Variants in CCDC7 observed in about 807,000 individuals in gnomAD.
CCDC7 encodes coiled-coil domain containing 7, also known as coiled-coil domain-containing protein 7.
CCDC7 carries 183 observed loss-of-function variants against 196.9 expected under a neutral mutation model. The ratio of observed to expected loss-of-function variants is 0.93; its 90% confidence interval spans 0.82 to 1.05. The LOEUF is 1.05. Among genes scored for constraint, CCDC7 ranks in the 50% least tolerant of loss-of-function variants. The pLI, the probability that CCDC7 is intolerant of heterozygous loss-of-function variation, is 0.00. For synonymous variants in CCDC7, 525 were observed against 484.6 expected, an observed-to-expected ratio of 1.08 and a Z score of -1.10; for missense variants, 1,540 against 1,482.2, an observed-to-expected ratio of 1.04 and a Z score of -0.64.
At chr10:32,509,516 CA>C (rs35897485) in intron 9 of CCDC7, among the ~76,000 whole-genome samples, 66,731 of 139,368 alleles carry the variant, frequency 0.48, 16,778 homozygotes, top group African/African-American at 0.69. Flanking sequence ...GACATTACAC[CA>C]AAAAAAAAAA....
intron 18 of CCDC7, among the ~76,000 whole-genome samples, chr10:32,631,865 T>C (rs946356721): frequency 1.3e-5 from 2 of 152,096 alleles, no homozygotes; most frequent in Non-Finnish European, 2.9e-5. Context: ...TATACTTATT[T>C]TTTTAAAAGT....
At chr10:32,486,093 G>T (rs1324368880) in intron 8 of CCDC7, among the ~76,000 whole-genome samples, 7 of 152,126 alleles carry the variant, frequency 4.6e-5, no homozygotes, top group African/African-American at 1.7e-4. Flanking sequence ...TGTTGACAGT[G>T]GGTTGTTAAA....
At chr10:32,819,952 G>C (rs1427915018) in intron 31 of CCDC7, among the ~76,000 whole-genome samples, 1 of 152,206 alleles carries the variant, frequency 6.6e-6, no homozygotes, top group Non-Finnish European at 1.5e-5. Context: ...CATAGTGTTG[G>C]AAGTTCTGAC....
intron 13 of CCDC7, among the ~76,000 whole-genome samples, chr10:32,563,799 T>C (rs961629876): frequency 2.6e-4 from 40 of 151,964 alleles, no homozygotes; most frequent in Non-Finnish European, 4.3e-4. Flanking sequence ...AATTGACAAA[T>C]GGGATCTAAT....
At chr10:32,524,852 A>C (rs1418540846) in intron 11 of CCDC7, among the ~76,000 whole-genome samples, 1 of 151,788 alleles carries the variant, frequency 6.6e-6, no homozygotes, top group Non-Finnish European at 1.5e-5. Context: ...ACGTACCTTG[A>C]GGTAGTCTTC....
intron 39 of CCDC7, 38 bp from the exon 41 acceptor site, chr10:32,851,769 T>C (rs182448553): frequency 9.3e-5 from 146 of 1,564,202 alleles, no homozygotes; most frequent in Admixed American, 1.4e-4. Context: ...ACAAATGTCA[T>C]CTATTGTATG....
At position 32,780,341 on chromosome 10, in the gene CCDC7, G is replaced by A. The variant is rs573165439; in HGVS notation, c.3013+1257G>A. 3.9e-5 allele frequency among the ~76,000 whole-genome samples: 6 copies of A among 152,224 alleles called. No homozygotes were observed. In the East Asian group the frequency reaches 9.6e-4, roughly 24 times the overall value. On this transcript the variant is annotated intron_variant, in intron 29 of 41. Transcript: ENST00000639629. ...ATCTCTGGCAAAGATAAGTCCATGG[G>A]CAAATATAAAAGCCATTATTATTAT...
chr10:32,879,963 T>G (rs559056665), downstream of CCDC7, among the ~76,000 whole-genome samples: 28 of 152,288 alleles, frequency 1.8e-4, no homozygotes, highest in Admixed American at 5.2e-4. Flanking sequence ...GATGGGCATT[T>G]GGGTTGATTC....
rs1447749803 is a variant in CCDC7 at position 32,565,437 on chromosome 10, C to A, written c.1135-121C>A. 3.1e-6 allele frequency: 3 copies of A among 982,906 alleles called. No homozygotes were observed. In the East Asian group the frequency reaches 8.0e-5, roughly 26 times the overall value. 60.9% of individuals were successfully genotyped at this position (982,906 alleles called of 1,614,324 possible). A position where few individuals can be genotyped will look rare whatever the true frequency, so the allele number is the denominator to read the frequency against. On this transcript the variant is annotated intron_variant, in intron 13 of 41. Transcript: ENST00000639629. ...CATTACACTTGAGAGATGTGCAGTT[C>A]AATGTCTATGCTCAATTCTTATCTT...
At chr10:32,564,387 A>T (rs896839407) in intron 13 of CCDC7, among the ~76,000 whole-genome samples, 1 of 152,188 alleles carries the variant, frequency 6.6e-6, no homozygotes. Flanking sequence ...AATAGCAGAG[A>T]CTTGGAACCA....
intron 8 of CCDC7, among the ~76,000 whole-genome samples, chr10:32,485,435 C>G (rs1007187430): frequency 6.6e-6 from 1 of 152,036 alleles, no homozygotes; most frequent in African/African-American, 2.4e-5. Flanking sequence ...TTGATCTTTT[C>G]AAAAAATCAG....
At chr10:32,674,557 G>A (rs1762532) in intron 21 of CCDC7, among the ~76,000 whole-genome samples, 52,062 of 151,802 alleles carry the variant, frequency 0.34, 11,369 homozygotes, top group Non-Finnish European at 0.49. Flanking sequence ...TGTGTATTCC[G>A]CTGCTTTTGG....
At chr10:32,596,229 G>A (rs1351353271) in intron 18 of CCDC7, among the ~76,000 whole-genome samples, 3 of 152,162 alleles carry the variant, frequency 2.0e-5, no homozygotes, top group Non-Finnish European at 4.4e-5. Flanking sequence ...TGTATTGGGT[G>A]CATATATATT....
In CCDC7 at chr10:32,518,770, G is replaced by A. The variant is rs116269536; in HGVS notation, c.993+265G>A. Among the ~76,000 whole-genome samples, 1,280 of 151,880 alleles carry A rather than the reference G, an allele frequency of 8.4e-3. 28 individuals are homozygous for A. Among genetic ancestry groups the A allele is most frequent in the African/African-American group, 0.028 (1,178 of 41,436 alleles). On this transcript the variant is annotated intron_variant, in intron 11 of 41. Coordinates refer to ENST00000639629, the Ensembl canonical transcript of CCDC7. ...AAATATTTAACTTTATTAAACTAAC[G>A]GTAAATTAGTTTTCAAATATATTGT...
chr10:32,671,502 CA>C (rs1417516755), intron 21 of CCDC7, among the ~76,000 whole-genome samples: 11 of 152,120 alleles, frequency 7.2e-5, no homozygotes, highest in Non-Finnish European at 1.5e-5. Flanking sequence ...CATTAAGTGA[CA>C]CACATAACTA....
At chr10:32,511,993 C>A (rs971550671) in intron 9 of CCDC7, 5 of 451,316 alleles carry the variant, frequency 1.1e-5, no homozygotes, top group Non-Finnish European at 2.0e-5. Context: ...TCATGTTGGT[C>A]TTTGGGGGAG....
rs189145294 is a variant in CCDC7 at position 32,643,886 on chromosome 10, T to G, written c.2014+8728T>G. ...TTGAAAATTAATTTTCAAAATTATT[T>G]TGAAAATTAATTGGTCTTTTCAATT... On this transcript the variant is annotated intron_variant, in intron 20 of 41. Transcript: ENST00000639629. Among the ~76,000 whole-genome samples the G allele has an allele frequency of 9.3e-4, 141 of 151,528 alleles. No individual in the cohort carries two copies. The East Asian group carries it at 0.011, about 12-fold the overall frequency.
chr10:32,502,822 T>C (rs951498922), intron 9 of CCDC7, among the ~76,000 whole-genome samples: 5 of 152,226 alleles, frequency 3.3e-5, no homozygotes, highest in Non-Finnish European at 1.5e-5. Flanking sequence ...TGTTCTTCAA[T>C]TTATTTCATC....
intron 29 of CCDC7, among the ~76,000 whole-genome samples, chr10:32,786,599 A>G (rs1364715483): frequency 1.3e-5 from 2 of 152,170 alleles, no homozygotes; most frequent in Non-Finnish European, 2.9e-5. Context: ...CATCTCTACT[A>G]AAAATACAAA....
Sources: allele counts gnomAD v4.1 joint callset (sites outside exome capture counted in the v4.1 genomes callset), GRCh38; gene constraint gnomAD v4.1.1; transcripts MANE v1.5; gene names NCBI Gene and HGNC (gene_info 2026-07-23, HGNC 2026-07-21).